Variants in EPHB1 observed in about 807,000 individuals in gnomAD.
The protein encoded by EPHB1 is ephrin type-B receptor 1.
EPHB1 carries 30 observed loss-of-function variants against 94.4 expected under a neutral mutation model. The observed-to-expected ratio is 0.32, with a 90% CI of 0.24 to 0.43. EPHB1 has a LOEUF of 0.43. Among genes scored for constraint, EPHB1 ranks in the 20% least tolerant of loss-of-function variants. EPHB1 has a pLI of 1.00. For synonymous variants in EPHB1, 522 were observed against 489.1 expected (o/e 1.07, Z -0.89); for missense variants, 1,055 against 1,308.3 (o/e 0.81, Z 2.99).
At chr3:135,068,487 T>C (rs967990734) in intron 3 of EPHB1, among the ~76,000 whole-genome samples, 1 of 152,136 alleles carries the variant, frequency 6.6e-6, no homozygotes, top group Admixed American at 6.5e-5. Flanking sequence ...TCTTTACCCA[T>C]TTTTAAATTG....
At chr3:135,208,638 A>G (rs977408836) in intron 12 of EPHB1, among the ~76,000 whole-genome samples, 8 of 152,186 alleles carry the variant, frequency 5.3e-5, no homozygotes, top group African/African-American at 1.9e-4. Flanking sequence ...TTTAAAAATA[A>G]ATTTGAAATA....
intron 9 of EPHB1, among the ~76,000 whole-genome samples, chr3:135,167,337 G>A (rs764492926): frequency 6.8e-6 from 1 of 147,718 alleles, no homozygotes; most frequent in Non-Finnish European, 1.5e-5. Flanking sequence ...AAAAGATGGA[G>A]TTCTCTATTA....
At chr3:135,021,304 T>C (rs1935980631) in intron 3 of EPHB1, among the ~76,000 whole-genome samples, 1 of 152,180 alleles carries the variant, frequency 6.6e-6, no homozygotes, top group South Asian at 2.1e-4. Context: ...GAATTGATTG[T>C]ATTCAGTCTT....
chr3:135,132,884 G>C lies in EPHB1; in HGVS notation c.1132G>C (p.Glu378Gln), dbSNP rs1434477593. The change falls in exon 5 of 16, where the codon GAG becomes CAG. Residue 378 changes from glutamate (E) to glutamine (Q), a missense_variant. Coordinates refer to ENST00000398015, the MANE Select transcript of EPHB1 (RefSeq NM_004441.5). ...CTGCTCCCGCTGTGACGACAATGTGGAGTTTGTGCCCAGGCAGCTGGGCCT... is the reference window on the plus strand; with the variant it reads ...CTGCTCCCGCTGTGACGACAATGTGCAGTTTGTGCCCAGGCAGCTGGGCCT... ...RSCSRCDDNV[E>Q]FVPRQLGLTE... The C allele has an allele frequency of 6.2e-7, 1 of 1,614,056 alleles. No homozygotes were observed. The highest frequency in any genetic ancestry group is 8.5e-7 in the Non-Finnish European group (1 of 1,179,906).
intron 1 of EPHB1, among the ~76,000 whole-genome samples, chr3:134,796,857 G>T (rs1257808547): frequency 2.0e-5 from 3 of 152,362 alleles, no homozygotes; most frequent in Non-Finnish European, 4.4e-5. Context: ...TGGCGACCGC[G>T]CAGCGTTCCC....
chr3:135,103,691 TTGAACTCAGGACTGTC>T (rs1442935723), intron 3 of EPHB1, among the ~76,000 whole-genome samples: 4 of 152,220 alleles, frequency 2.6e-5, no homozygotes, highest in Non-Finnish European at 4.4e-5. Context: ...GAGCCAAGAA[TTGAACTCAGGACTGTC>T]TGACCATTTC....
chr3:135,106,796 G>T (rs768113373), intron 4 of EPHB1, among the ~76,000 whole-genome samples, 193 bp downstream of exon 4: 87 of 152,186 alleles, frequency 5.7e-4, no homozygotes, highest in Non-Finnish European at 6.3e-4. Context: ...ACTGGGTGAA[G>T]ATTACATTTT....
At chr3:134,998,443 T>G (rs940242626) in intron 3 of EPHB1, among the ~76,000 whole-genome samples, 1 of 152,206 alleles carries the variant, frequency 6.6e-6, no homozygotes, top group Non-Finnish European at 1.5e-5. Context: ...TTTATTACCT[T>G]TTTCTTCATG....
intron 1 of EPHB1, among the ~76,000 whole-genome samples, chr3:134,799,910 G>A (rs2035904176): frequency 1.3e-5 from 2 of 152,146 alleles, no homozygotes; most frequent in Admixed American, 1.3e-4. Context: ...GATGCTAGGG[G>A]ACACAGGACA....
chr3:134,997,086 C>T (rs1416016600), intron 3 of EPHB1, among the ~76,000 whole-genome samples: 1 of 152,138 alleles, frequency 6.6e-6, no homozygotes, highest in African/African-American at 2.4e-5. Flanking sequence ...TTTAATCCAG[C>T]AGGGATTCAT....
At chr3:135,163,924 T>C (rs534850390) in intron 7 of EPHB1, among the ~76,000 whole-genome samples, 13 of 152,216 alleles carry the variant, frequency 8.5e-5, no homozygotes, top group East Asian at 1.9e-4. Flanking sequence ...GATAGGGTCA[T>C]TGGGGCAGGG....
Position 135,192,936 on chromosome 3 carries a change from A to G in EPHB1, c.2130+113A>G, listed in dbSNP as rs1007237040. On this transcript the variant is annotated intron_variant, in intron 11 of 15. Transcript: ENST00000398015. ...TCAGGAATCGCCTGATCCAGTGTGAATGGGCATTGGAGATGTTAGCAGAGA... is the reference window on the plus strand; with the variant it reads ...TCAGGAATCGCCTGATCCAGTGTGAGTGGGCATTGGAGATGTTAGCAGAGA... 36 of 1,375,502 alleles carry G rather than the reference A, an allele frequency of 2.6e-5. No individual in the cohort carries two copies. In the East Asian group the frequency reaches 7.1e-4, roughly 27 times the overall value. The allele number at this position is 1,375,502 out of a possible 1,614,324, so 85.2% of individuals were successfully genotyped here. A position where few individuals can be genotyped will look rare whatever the true frequency, so the allele number is the denominator to read the frequency against.
chr3:135,105,260 C>A (rs940493681), intron 3 of EPHB1, among the ~76,000 whole-genome samples: 3 of 152,234 alleles, frequency 2.0e-5, no homozygotes, highest in Non-Finnish European at 1.5e-5. Flanking sequence ...TTCATTGGAT[C>A]AAGAGCTCCT....
intron 12 of EPHB1, among the ~76,000 whole-genome samples, chr3:135,225,054 G>C (rs956372472): frequency 4.6e-5 from 7 of 152,104 alleles, no homozygotes; most frequent in African/African-American, 1.2e-4. Context: ...GCACGTTGAG[G>C]GGGGAAGCAG....
intron 4 of EPHB1, among the ~76,000 whole-genome samples, chr3:135,117,120 T>A (rs1488116908): frequency 1.3e-5 from 2 of 152,208 alleles, no homozygotes; most frequent in African/African-American, 2.4e-5. Flanking sequence ...TGGCTAGGGA[T>A]CTCTCCATAA....
intron 3 of EPHB1, among the ~76,000 whole-genome samples, chr3:135,077,354 T>A (rs2107785082): frequency 6.6e-6 from 1 of 152,340 alleles, no homozygotes; most frequent in African/African-American, 2.4e-5. Context: ...CCCACATATC[T>A]GGGACCATTC....
intron 3 of EPHB1, among the ~76,000 whole-genome samples, chr3:135,103,137 T>TA (rs969738806): frequency 1.9e-4 from 29 of 150,060 alleles, no homozygotes; most frequent in African/African-American, 6.1e-4. Flanking sequence ...CAACTTAAAG[T>TA]AAAAAAAAGA....
intron 1 of EPHB1, among the ~76,000 whole-genome samples, chr3:134,913,828 C>T (rs1000129971): frequency 3.9e-5 from 6 of 152,216 alleles, no homozygotes; most frequent in East Asian, 1.9e-4. Context: ...TCTTCAAAAA[C>T]GCCCAGTGCA....
chr3:134,934,798 G>A (rs2038970884), intron 2 of EPHB1, among the ~76,000 whole-genome samples: 1 of 152,142 alleles, frequency 6.6e-6, no homozygotes, highest in Non-Finnish European at 1.5e-5. Context: ...GATCCTTACT[G>A]TCTGGCATAT....
Sources: gnomAD v4.1 joint callset for allele counts (sites outside exome capture counted in the v4.1 genomes callset) on GRCh38, gnomAD v4.1.1 for gene constraint, MANE v1.5 for transcripts, NCBI Gene and HGNC (gene_info 2026-07-23, HGNC 2026-07-21) for gene names.